Variants in CDHR5 observed in about 807,000 individuals in gnomAD.
CDHR5 encodes the protein cadherin related family member 5, also known as cadherin-related family member 5.
Under a neutral mutation model 69.5 loss-of-function variants are expected in CDHR5, and 82 were observed. That is an observed-to-expected ratio of 1.18 (90% CI 0.99 to 1.42). The LOEUF (loss-of-function observed/expected upper bound fraction) is 1.42, where lower values mean the gene tolerates loss of function less well. CDHR5 is among the 40% of genes most tolerant of loss of function. The probability of loss-of-function intolerance (pLI) is 0.00; values close to 1 mark genes in which losing one functional copy is unlikely to be tolerated. For missense variants in CDHR5, 1,293 were observed against 1,168.9 expected (o/e 1.11, Z -1.55); for synonymous variants, 601 against 510.2 (o/e 1.18, Z -2.40).
rs142038877 is a variant in CDHR5, at chr11:617,538, G to A, written c.2351C>T (p.Pro784Leu). 34 of 1,612,158 alleles carry A rather than the reference G, an allele frequency of 2.1e-5. No homozygotes were observed. In the South Asian group the frequency reaches 2.6e-4, roughly 12 times the overall value. Residue 784 changes from proline (P) to leucine (L), a missense_variant, in exon 15 of 15, where the codon CCG (proline) becomes CTG (leucine). Pro to Leu is a moderately conservative substitution (Grantham distance 98). Transcript: ENST00000397542. ...VRSILTKERRPEGGYKAVWFG... is the reference protein window; with the variant it reads ...VRSILTKERRLEGGYKAVWFG... ...CCAGACAGCCTTGTACCCGCCCTCC[G>A]GCCGCCGCTCCTTGGTCAGGATGGA...
rs1258263503 is a variant in CDHR5, at chr11:619,727, GC to G, written c.1132del (p.Ala378ProfsTer6). ...CTGGATCCTCAGAGGCTGAGAAGGG[GC>G]AGCTGCATCCTTGACCACAACGCCC... Reference protein sequence around the residue: ...GAGVVVKDAAAPSQPLRIQAQ... With the variant: ...GAGVVVKDAAXPSQPLRIQAQ... On this transcript the variant is annotated frameshift_variant, in exon 10 of 15. Transcript: ENST00000397542. LOFTEE classifies it high-confidence loss of function. 1 of 1,612,776 alleles carries G rather than the reference GC, an allele frequency of 6.2e-7. No individual in the cohort carries two copies. The highest frequency in any genetic ancestry group is 8.5e-7 in the Non-Finnish European group (1 of 1,179,992).
In CDHR5 at chr11:616,976, C is replaced by CGTATCATTTAAAAA; in HGVS notation, c.*374_*375insTTTTTAAATGATAC. 7.8e-6 allele frequency: 2 copies of CGTATCATTTAAAAA among 255,820 alleles called. No individual in the cohort carries two copies. The highest frequency in any genetic ancestry group is 8.0e-5 in the South Asian group (1 of 12,502). The allele number at this position is 255,820 out of a possible 1,614,324, so 15.8% of individuals were successfully genotyped here. A position where few individuals can be genotyped will look rare whatever the true frequency, so the allele number is the denominator to read the frequency against. On this transcript the variant is annotated 3_prime_UTR_variant, in exon 15 of 15. Transcript: ENST00000397542. ...CGGGAGCGGGAGGTCTGAGATGAGC[C>CGTATCATTTAAAAA]GGGTGCCTGAGATCTCCGGTGCAGG... is the stretch of plus-strand genomic sequence containing the variant.
At position 624,531 on chromosome 11, in the gene CDHR5, A is replaced by T; in HGVS notation, c.261+26T>A. On this transcript the variant is annotated intron_variant, in intron 2 of 14. Transcript: ENST00000397542. The surrounding 1 kb of genome is among the most constrained non-coding windows in gnomAD (Gnocchi z 5.3). ...CAGGTGCCCTTCTCCCGGGACCCCC[A>T]TATCCCGCCCGCCTGCCGCCCACAC... The T allele has an allele frequency of 6.2e-7, 1 of 1,606,102 alleles. No individual in the cohort carries two copies. Among genetic ancestry groups the T allele is most frequent in the Non-Finnish European group, 8.5e-7 (1 of 1,174,616 alleles).
Position 616,588 on chromosome 11 carries a change from A to G in CDHR5, c.*763T>C, listed in dbSNP as rs1362385088. On this transcript the variant is annotated 3_prime_UTR_variant, in exon 15 of 15. Transcript: ENST00000397542. The stretch of plus-strand genomic sequence containing the variant: ...ATACTCTCACAATTAAAACATTTGG[A>G]AAGGAATTAATGGTGTATTTCCATT... The G allele has an allele frequency of 6.6e-6, 1 of 152,326 alleles. No homozygotes were observed. The highest frequency in any genetic ancestry group is 6.5e-5 in the Admixed American group (1 of 15,284). 9.4% of individuals were successfully genotyped at this position (152,326 alleles called of 1,614,324 possible).
chr11:617,923 C>A, intron 14 of CDHR5, 31 bp downstream of exon 14: 1 of 1,602,344 alleles, frequency 6.2e-7, no homozygotes, highest in Non-Finnish European at 8.5e-7. Flanking sequence ...CCTGCCTGGT[C>A]GCCTGCCCTG....
chr11:624,869 G>A lies in CDHR5; in HGVS notation c.34C>T (p.Leu12=), dbSNP rs773570305. The change falls in exon 1 of 15, where the codon CTG becomes TTG. Residue 12 remains leucine (L), a synonymous_variant. Coordinates refer to ENST00000397542, the MANE Select transcript of CDHR5 (RefSeq NM_021924.5). The surrounding 1 kb of genome is among the most constrained non-coding windows in gnomAD (Gnocchi z 5.3). The part of the protein sequence containing the change: ...GSWALLWPPL[L]FTGLLVRPPG... ...GGTCGGACGAGCAGCCCGGTGAACA[G>A]CAGGGGAGGCCACAGCAGGGCCCAA... is the stretch of plus-strand genomic sequence containing the variant. 5.7e-6 allele frequency: 9 copies of A among 1,579,038 alleles called. No homozygotes were observed. The East Asian group carries it at 2.1e-4, about 36-fold the overall frequency.
intron 3 of CDHR5, among the ~76,000 whole-genome samples, chr11:623,152 T>TA (rs1414889883): frequency 6.6e-6 from 1 of 151,924 alleles, no homozygotes; most frequent in African/African-American, 2.4e-5. Context: ...CTACTAAAAA[T>TA]ACAAAAATTA....
chr11:619,067 C>A lies in CDHR5; in HGVS notation c.1492G>T (p.Gly498Ter). 2 of 1,612,676 alleles carry A rather than the reference C, an allele frequency of 1.2e-6. No homozygotes were observed. Among genetic ancestry groups the A allele is most frequent in the Non-Finnish European group, 1.7e-6 (2 of 1,179,668 alleles). ...SQGPSTTSSG[G>*]GTGPHPPSGT... ...GAGGGTGGATGAGGGCCTGTGCCTC[C>A]CCCAGAGCTGGTCGTGGAGGGTCCC... Residue 498 changes from glycine to a stop codon, truncating the protein, a stop_gained, in exon 13 of 15, where the codon GGA becomes TGA. Coordinates refer to ENST00000397542, the MANE Select transcript of CDHR5 (RefSeq NM_021924.5). LOFTEE classifies it high-confidence loss of function.
In CDHR5 at chr11:624,906, G is replaced by A; in HGVS notation, c.-4C>T. On this transcript the variant is annotated 5_prime_UTR_variant, in exon 1 of 15. Coordinates refer to ENST00000397542, the MANE Select transcript of CDHR5 (RefSeq NM_021924.5). The surrounding 1 kb of genome is among the most constrained non-coding windows in gnomAD (Gnocchi z 5.3). The stretch of plus-strand genomic sequence containing the variant: ...ACAGCAGGGCCCAAGACCCCATCTT[G>A]GCGGCTGTCACCTGGCAGGAGGGTC... 1 of 1,548,158 alleles carries A rather than the reference G, an allele frequency of 6.5e-7. No homozygotes were observed. The highest frequency in any genetic ancestry group is 8.7e-7 in the Non-Finnish European group (1 of 1,149,702).
In CDHR5 at chr11:619,296, G is replaced by A. The variant is rs748023153; in HGVS notation, c.1378+10C>T. 7 of 1,591,918 alleles carry A rather than the reference G, an allele frequency of 4.4e-6. No homozygotes were observed. The highest frequency in any genetic ancestry group is 6.0e-6 in the Non-Finnish European group (7 of 1,162,974). The stretch of plus-strand genomic sequence containing the variant: ...GAACCCTGGGGGCTCACCTGTGGAG[G>A]GGGGCTTACCTGTGGAGGGGGGCTC... On this transcript the variant is annotated intron_variant, in intron 12 of 14. Coordinates refer to ENST00000397542, the MANE Select transcript of CDHR5 (RefSeq NM_021924.5).
In CDHR5 at chr11:619,151, T is replaced by A; in HGVS notation, c.1408A>T (p.Thr470Ser). ...DVPPSPEAGG[T>S]TGPWTSTTSE... ...GTGGTGCTGGTCCAGGGCCCAGTTG[T>A]TCCTCCAGCCTCTGGGGATGGGGGG... Residue 470 changes from threonine (T) to serine (S), a missense_variant, in exon 13 of 15, where the codon ACA (threonine) becomes TCA (serine). Coordinates refer to ENST00000397542, the MANE Select transcript of CDHR5 (RefSeq NM_021924.5). 2 of 1,565,966 alleles carry A rather than the reference T, an allele frequency of 1.3e-6. No individual in the cohort carries two copies. The highest frequency in any genetic ancestry group is 1.7e-6 in the Non-Finnish European group (2 of 1,157,706).
In CDHR5 at chr11:621,555, C is replaced by T. The variant is rs1300685699; in HGVS notation, c.507+7G>A. The stretch of plus-strand genomic sequence containing the variant: ...GCTCGTGCTGGGGCAGGGTGGGCGG[C>T]ACTGACTGCTGTCATTTCCTGGAGG... On this transcript the variant is annotated splice_region_variant and intron_variant, in intron 5 of 14. Coordinates refer to ENST00000397542, the MANE Select transcript of CDHR5 (RefSeq NM_021924.5). This position sits in a 1 kb window ranked among gnomAD's most constrained non-coding sequence, Gnocchi z 4.4. 13 of 1,609,410 alleles carry T rather than the reference C, an allele frequency of 8.1e-6. No homozygotes were observed. In the South Asian group the frequency reaches 1.1e-4, roughly 14 times the overall value.
chr11:620,026 T>G, intron 9 of CDHR5, 41 bp downstream of exon 9: 1 of 540,296 alleles, frequency 1.9e-6, no homozygotes, highest in Non-Finnish European at 3.0e-6. Flanking sequence ...CCTTCCACCC[T>G]TCCCCCTCTG....
chr11:617,901 C>T (rs574882718), intron 14 of CDHR5, 53 bp downstream of exon 14: 34 of 1,577,944 alleles, frequency 2.2e-5, no homozygotes, highest in Middle Eastern at 1.9e-4. Flanking sequence ...TCCTGTCCCC[C>T]GTCCCCCACT....
In CDHR5 at chr11:619,033, G is replaced by C. The variant is rs772922467; in HGVS notation, c.1526C>G (p.Thr509Ser). The C allele has an allele frequency of 6.2e-7, 1 of 1,613,358 alleles. No homozygotes were observed. Among genetic ancestry groups the C allele is most frequent in the Non-Finnish European group, 8.5e-7 (1 of 1,179,774 alleles). The change falls in exon 13 of 15, where the codon ACT becomes AGT. Residue 509 changes from threonine to serine, a missense_variant. By Grantham distance (58) the Thr-to-Ser change is moderately conservative. Coordinates refer to ENST00000397542, the MANE Select transcript of CDHR5 (RefSeq NM_021924.5). ...TGTGGACGAGGTTGGTGGCCTCAGA[G>C]TTGTGCCAGAGGGTGGATGAGGGCC... ...GTGPHPPSGT[T>S]LRPPTSSTPG...
At position 618,028 on chromosome 11, in the gene CDHR5, C is replaced by CCAG. The variant is rs748344953; in HGVS notation, c.2041_2043dup (p.Leu681dup). ...ACAAGGACGGCGAGGCCAAGGAGAG[C>CCAG]CAGCAGCAGCAGCGCACCCAGCACC... On this transcript the variant is annotated inframe_insertion, in exon 14 of 15. Transcript: ENST00000397542. The CCAG allele has an allele frequency of 8.7e-6, 14 of 1,608,250 alleles. No individual in the cohort carries two copies. The East Asian group carries it at 8.9e-5, about 10-fold the overall frequency.
chr11:617,315 T>C lies in CDHR5; in HGVS notation c.*36A>G. On this transcript the variant is annotated 3_prime_UTR_variant, in exon 15 of 15. Transcript: ENST00000397542. ...GAGGCTGGGGGAGCGAGACCTCCAG[T>C]GCCCGTGCGGCTGGGGGAGAGGGTG... 1.3e-6 allele frequency: 2 copies of C among 1,497,708 alleles called. No homozygotes were observed. The highest frequency in any genetic ancestry group is 1.8e-6 in the Non-Finnish European group (2 of 1,091,256). The allele number at this position is 1,497,708 out of a possible 1,614,324, so 92.8% of individuals were successfully genotyped here.
At chr11:619,629 A>G in intron 10 of CDHR5, 42 bp from the exon 11 acceptor site, 1 of 1,607,404 alleles carries the variant, frequency 6.2e-7, no homozygotes, top group Middle Eastern at 1.7e-4. Context: ...GCTGCCTCCC[A>G]CGTACAGCCC....
At position 624,507 on chromosome 11, in the gene CDHR5, A is replaced by G; in HGVS notation, c.261+50T>C. On this transcript the variant is annotated intron_variant, in intron 2 of 14. Transcript: ENST00000397542. This position sits in a 1 kb window ranked among gnomAD's most constrained non-coding sequence, Gnocchi z 5.3. Reference sequence around the variant, plus strand: ...CAAGGGAGGTGTGGCCTGAGGATGCAGGTGCCCTTCTCCCGGGACCCCCAT... The same window carrying G: ...CAAGGGAGGTGTGGCCTGAGGATGCGGGTGCCCTTCTCCCGGGACCCCCAT... The G allele has an allele frequency of 6.4e-7, 1 of 1,571,492 alleles. No homozygotes were observed. Among genetic ancestry groups the G allele is most frequent in the Non-Finnish European group, 8.8e-7 (1 of 1,142,788 alleles).
Sources: allele counts gnomAD v4.1 joint callset (sites outside exome capture counted in the v4.1 genomes callset), GRCh38; gene constraint gnomAD v4.1.1; non-coding constraint Gnocchi (gnomAD v3.1); transcripts MANE v1.5; gene names NCBI Gene and HGNC (gene_info 2026-07-23, HGNC 2026-07-21).